The following SEMA3A variants were observed in gnomAD, a reference collection of about 807,000 sequenced individuals.
SEMA3A encodes semaphorin-3A.
Under a neutral mutation model 97.9 loss-of-function variants are expected in SEMA3A, and 29 were observed. The ratio of observed to expected loss-of-function variants is 0.30; its 90% CI spans 0.22 to 0.40. The LOEUF is 0.40. SEMA3A is among the 10% of genes least tolerant of loss of function. The pLI is 1.00. For synonymous variants in SEMA3A, 321 were observed against 323.7 expected (o/e 0.99, Z 0.09); for missense variants, 763 against 951.3 (o/e 0.80, Z 2.60).
chr7:84,284,980 C>A (rs562589981), intron 3 of SEMA3A, among the ~76,000 whole-genome samples: 10 of 152,218 alleles, frequency 6.6e-5, no homozygotes, highest in Non-Finnish European at 1.5e-4. Context: ...GCCATGTGGA[C>A]ACCAACAGGG....
chr7:84,330,402 T>A (rs558386166), intron 2 of SEMA3A, among the ~76,000 whole-genome samples: 1 of 152,182 alleles, frequency 6.6e-6, no homozygotes, highest in East Asian at 1.9e-4. Flanking sequence ...TTTGAAACAA[T>A]TTTAAAAAGT....
chr7:84,304,084 A>T (rs1801093695), intron 3 of SEMA3A, among the ~76,000 whole-genome samples: 1 of 152,034 alleles, frequency 6.6e-6, no homozygotes, highest in South Asian at 2.1e-4. Flanking sequence ...GTCCCTTTAA[A>T]CTGGTGTGTG....
intron 1 of SEMA3A, among the ~76,000 whole-genome samples, chr7:84,393,539 C>T (rs887111528): frequency 6.6e-6 from 1 of 152,108 alleles, no homozygotes; most frequent in Non-Finnish European, 1.5e-5. Flanking sequence ...GAAATGAACC[C>T]ATGCATCTAT....
At chr7:84,042,950 A>G (rs1792201398) in intron 6 of SEMA3A, among the ~76,000 whole-genome samples, 1 of 152,088 alleles carries the variant, frequency 6.6e-6, no homozygotes, top group African/African-American at 2.4e-5. Context: ...CCTTACTATA[A>G]ATATACACAG....
intron 1 of SEMA3A, among the ~76,000 whole-genome samples, chr7:84,435,742 T>C (rs1028155811): frequency 2.0e-5 from 3 of 152,174 alleles, no homozygotes; most frequent in Non-Finnish European, 4.4e-5. Context: ...GAAATGTCCA[T>C]ACCACCCAAA....
At chr7:84,181,343 A>G (rs1004982338) in intron 1 of SEMA3A, among the ~76,000 whole-genome samples, 4 of 149,280 alleles carry the variant, frequency 2.7e-5, no homozygotes, top group African/African-American at 4.9e-5. Flanking sequence ...TATATATAAC[A>G]CACATATACA....
intron 3 of SEMA3A, among the ~76,000 whole-genome samples, chr7:84,235,485 T>G (rs1799215790): frequency 6.6e-6 from 1 of 152,094 alleles, no homozygotes; most frequent in Admixed American, 6.6e-5. Flanking sequence ...TCTTCTTTAT[T>G]TCTTTATTTT....
chr7:84,271,872 A>T (rs552260403), intron 3 of SEMA3A, among the ~76,000 whole-genome samples: 2 of 152,246 alleles, frequency 1.3e-5, no homozygotes, highest in South Asian at 4.1e-4. Flanking sequence ...CAATTCTAAT[A>T]AAAAGCTTCA....
intron 1 of SEMA3A, among the ~76,000 whole-genome samples, chr7:84,419,856 G>A (rs1804537869): frequency 6.6e-6 from 1 of 152,132 alleles, no homozygotes; most frequent in Non-Finnish European, 1.5e-5. Flanking sequence ...ATTAAGTATT[G>A]AAGGAATGCT....
chr7:83,981,788 T>G (rs1461045568), intron 13 of SEMA3A, among the ~76,000 whole-genome samples: 2 of 152,190 alleles, frequency 1.3e-5, no homozygotes, highest in African/African-American at 2.4e-5. Context: ...TTTGCAAGTT[T>G]GCTTTTTTAC....
chr7:84,089,697 A>G (rs1040812996), intron 4 of SEMA3A, among the ~76,000 whole-genome samples: 1 of 152,052 alleles, frequency 6.6e-6, no homozygotes, highest in Non-Finnish European at 1.5e-5. Flanking sequence ...ATTGCTTTTT[A>G]TAATTATACA....
chr7:84,088,818 A>G (rs1389488814), intron 4 of SEMA3A, among the ~76,000 whole-genome samples: 1 of 152,102 alleles, frequency 6.6e-6, no homozygotes, highest in Non-Finnish European at 1.5e-5. Flanking sequence ...GATCTAGTTG[A>G]TGTTTAAGTT....
intron 2 of SEMA3A, among the ~76,000 whole-genome samples, chr7:84,321,897 A>AAAAAG (rs1562902776): frequency 1.2e-5 from 1 of 84,268 alleles, no homozygotes; most frequent in African/African-American, 5.0e-5. Context: ...AAAAAAAAAA[A>AAAAAG]AAGAAGAAGA....
intron 2 of SEMA3A, among the ~76,000 whole-genome samples, chr7:84,129,761 G>C (rs920230828): frequency 1.8e-4 from 27 of 149,592 alleles, no homozygotes; most frequent in Admixed American, 1.6e-3. Context: ...TTTAAAAGTA[G>C]CATGGTATAT....
In SEMA3A at chr7:84,004,475, G is replaced by C. The variant is rs548946816; in HGVS notation, c.1360+864C>G. 3.1e-3 allele frequency among the ~76,000 whole-genome samples: 473 copies of C among 151,382 alleles called. 2 individuals are homozygous for C. The highest frequency in any genetic ancestry group is 0.011 in the African/African-American group (438 of 41,260). The stretch of plus-strand genomic sequence containing the variant: ...ACAGAAACACTGAAAAAATTTTATT[G>C]CTAACATTTATTTACTAGATGATGT... On this transcript the variant is annotated intron_variant, in intron 11 of 16. Coordinates refer to ENST00000265362, the MANE Select transcript of SEMA3A (RefSeq NM_006080.3).
At chr7:84,336,718 A>G (rs1348173122) in intron 2 of SEMA3A, among the ~76,000 whole-genome samples, 1 of 152,168 alleles carries the variant, frequency 6.6e-6, no homozygotes, top group Non-Finnish European at 1.5e-5. Context: ...CATCAGAAAG[A>G]AACATCCTCA....
At chr7:84,213,701 A>T (rs2116323187) in intron 3 of SEMA3A, among the ~76,000 whole-genome samples, 1 of 152,300 alleles carries the variant, frequency 6.6e-6, no homozygotes, top group South Asian at 2.1e-4. Flanking sequence ...TTTTCTCATC[A>T]GTTATTTTCT....
At chr7:84,232,203 T>C (rs1799131281) in intron 3 of SEMA3A, among the ~76,000 whole-genome samples, 1 of 149,638 alleles carries the variant, frequency 6.7e-6, no homozygotes, top group Non-Finnish European at 1.5e-5. Context: ...AGAGGTTCAC[T>C]AAATATGACA....
At chr7:84,224,240 T>C (rs1562860411) in intron 3 of SEMA3A, among the ~76,000 whole-genome samples, 1 of 151,986 alleles carries the variant, frequency 6.6e-6, no homozygotes, top group Non-Finnish European at 1.5e-5. Context: ...ATGACACTCA[T>C]AAATCAATTA....
Sources: allele counts gnomAD v4.1 joint callset (sites outside exome capture counted in the v4.1 genomes callset), GRCh38; gene constraint gnomAD v4.1.1; transcripts MANE v1.5; gene names NCBI Gene and HGNC (gene_info 2026-07-23, HGNC 2026-07-21).